Variants in ATPSCKMT observed in about 807,000 individuals in gnomAD.
The protein encoded by ATPSCKMT is ATP synthase c subunit lysine N-methyltransferase, also known as ATP synthase subunit C lysine N-methyltransferase.
ATPSCKMT carries 24 observed loss-of-function variants against 24.3 expected under a neutral mutation model. The observed-to-expected ratio is 0.99, with a 90% CI of 0.71 to 1.39. The LOEUF is 1.39. ATPSCKMT is among the 40% of genes most tolerant of loss of function. The pLI, the probability that ATPSCKMT is intolerant of heterozygous loss-of-function variation, is 0.00. For missense variants in ATPSCKMT, 311 were observed against 298.4 expected (o/e 1.04, Z -0.31); for synonymous variants, 95 against 110.5 (o/e 0.86, Z 0.88).
At chr5:10,249,770 A>T in intron 1 of ATPSCKMT, 88 bp downstream of exon 1, 1 of 1,498,882 alleles carries the variant, frequency 6.7e-7, no homozygotes, top group Non-Finnish European at 8.9e-7. Context: ...CCGCCTCGAC[A>T]GTGGAGACCT....
chr5:10,228,343 A>G (rs1170091181), intron 4 of ATPSCKMT, among the ~76,000 whole-genome samples: 1 of 152,224 alleles, frequency 6.6e-6, no homozygotes, highest in Non-Finnish European at 1.5e-5. Context: ...ATATCATGAA[A>G]TATTTCATAA....
At chr5:10,246,770 T>G (rs1259373018) in intron 1 of ATPSCKMT, among the ~76,000 whole-genome samples, 1 of 152,234 alleles carries the variant, frequency 6.6e-6, no homozygotes, top group African/African-American at 2.4e-5. Context: ...AAAGTTCCTG[T>G]TCTTCACGGC....
Position 10,249,850 on chromosome 5 carries a change from A to G in ATPSCKMT, c.16+8T>C, listed in dbSNP as rs545648848. 30 of 1,319,218 alleles carry G rather than the reference A, an allele frequency of 2.3e-5. 1 individual carries two copies. The South Asian group carries it at 3.6e-4, about 16-fold the overall frequency. 81.7% of individuals were successfully genotyped at this position (1,319,218 alleles called of 1,614,324 possible). A position where few individuals can be genotyped will look rare whatever the true frequency, so the allele number is the denominator to read the frequency against. On this transcript the variant is annotated splice_region_variant and intron_variant, in intron 1 of 4. Coordinates refer to ENST00000511437, the MANE Select transcript of ATPSCKMT (RefSeq NM_199133.4). The stretch of plus-strand genomic sequence containing the variant: ...CCCCAGGAACCCGCCAAGCCGCTCC[A>G]GCCTCACCTCCTCCTCCCTCCATCG...
chr5:10,245,940 A>G (rs1335645487), intron 1 of ATPSCKMT, among the ~76,000 whole-genome samples: 1 of 152,208 alleles, frequency 6.6e-6, no homozygotes, highest in Non-Finnish European at 1.5e-5. Flanking sequence ...ATTCATATAC[A>G]TACAATTTGC....
At position 10,245,972 on chromosome 5, in the gene ATPSCKMT, A is replaced by G. The variant is rs139132470; in HGVS notation, c.16+3886T>C. 5.5e-3 allele frequency among the ~76,000 whole-genome samples: 838 copies of G among 152,232 alleles called. 10 individuals are homozygous for G. Among genetic ancestry groups the G allele is most frequent in the African/African-American group, 0.019 (783 of 41,518 alleles). ...TTGCCTGCTTAAAGTATATAATTTA[A>G]TGTTTCTTTTTATATTCAGATACAT... On this transcript the variant is annotated intron_variant, in intron 1 of 4. Transcript: ENST00000511437.
At chr5:10,235,557 G>GACCACACTGTGACCACA (rs1196716603) in intron 3 of ATPSCKMT, among the ~76,000 whole-genome samples, 1 of 152,216 alleles carries the variant, frequency 6.6e-6, no homozygotes, top group South Asian at 2.1e-4. Context: ...GCGTCAGACA[G>GACCACACTGTGACCACA]CTAGTGACCA....
chr5:10,239,263 C>T lies in ATPSCKMT; in HGVS notation c.110G>A (p.Gly37Glu). 6.2e-7 allele frequency: 1 copy of T among 1,614,158 alleles called. No homozygotes were observed. The highest frequency in any genetic ancestry group is 8.5e-7 in the Non-Finnish European group (1 of 1,180,040). Residue 37 changes from glycine to glutamate, a missense_variant, in exon 2 of 5, where the codon GGG becomes GAG. Coordinates refer to ENST00000511437, the MANE Select transcript of ATPSCKMT (RefSeq NM_199133.4). The stretch of plus-strand genomic sequence containing the variant: ...ACCCACAAGCCCAGTAAGTAAGAAC[C>T]CCCAGTTGCTTTTCTGCAAACTGTT... The part of the protein sequence containing the change: ...EVNSLQKSNW[G>E]FLLTGLVGGT...
At chr5:10,243,548 A>G (rs1452034064) in intron 1 of ATPSCKMT, among the ~76,000 whole-genome samples, 1 of 152,124 alleles carries the variant, frequency 6.6e-6, no homozygotes. Flanking sequence ...GATCTTCTAG[A>G]TAACTTGCTG....
In ATPSCKMT at chr5:10,234,340, A is replaced by G. The variant is rs73048265; in HGVS notation, c.495+871T>C. On this transcript the variant is annotated intron_variant, in intron 4 of 4. Coordinates refer to ENST00000511437, the MANE Select transcript of ATPSCKMT (RefSeq NM_199133.4). ...AAGACCCTGGCTCAAAAAAAAAAGA[A>G]TATTTTACAAAAGCATTTCTAAATT... Among the ~76,000 whole-genome samples the G allele has an allele frequency of 5.3e-3, 800 of 152,288 alleles. 13 individuals are homozygous for G. Among genetic ancestry groups the G allele is most frequent in the African/African-American group, 0.018 (763 of 41,556 alleles).
intron 4 of ATPSCKMT, among the ~76,000 whole-genome samples, chr5:10,232,717 C>T (rs1384280654): frequency 2.6e-5 from 4 of 152,154 alleles, no homozygotes; most frequent in African/African-American, 9.7e-5. Flanking sequence ...GAGAGAAGGA[C>T]GGAGGGCTGG....
rs542914802 is a variant in ATPSCKMT at position 10,241,982 on chromosome 5, A to G, written c.17-2626T>C. 1.9e-3 allele frequency among the ~76,000 whole-genome samples: 290 copies of G among 152,338 alleles called. 1 individual carries two copies. Among genetic ancestry groups the G allele is most frequent in the African/African-American group, 6.4e-3 (266 of 41,562 alleles). On this transcript the variant is annotated intron_variant, in intron 1 of 4. Transcript: ENST00000511437. ...CGAAAAATTTTTTTTAATTTTTAAAAAAGAGTTTATTGCTAAGAAATGCTA... is the reference window on the plus strand; with the variant it reads ...CGAAAAATTTTTTTTAATTTTTAAAGAAGAGTTTATTGCTAAGAAATGCTA...
chr5:10,249,883 T>C lies in ATPSCKMT; in HGVS notation c.-10A>G. The C allele has an allele frequency of 7.7e-7, 1 of 1,306,318 alleles. No homozygotes were observed. Among genetic ancestry groups the C allele is most frequent in the Non-Finnish European group, 9.9e-7 (1 of 1,007,394 alleles). 80.9% of individuals were successfully genotyped at this position (1,306,318 alleles called of 1,614,324 possible). On this transcript the variant is annotated 5_prime_UTR_variant, in exon 1 of 5. Coordinates refer to ENST00000511437, the MANE Select transcript of ATPSCKMT (RefSeq NM_199133.4). ...CTCCTCCTCCCTCCATCGCGAGATT[T>C]CCAACAGCGTTTTTAAAAAAAAAAA...
chr5:10,225,582 A>G lies in ATPSCKMT; in HGVS notation c.*1859T>C, dbSNP rs1743843164. The stretch of plus-strand genomic sequence containing the variant: ...TATCTTACGTGAATGGTAGTAGGCA[A>G]AAAGAGCTTGTGCAGGAAAACTCCC... On this transcript the variant is annotated 3_prime_UTR_variant, in exon 5 of 5. Transcript: ENST00000511437. Among the ~76,000 whole-genome samples the G allele has an allele frequency of 6.6e-6, 1 of 152,160 alleles. No homozygotes were observed. Among genetic ancestry groups the G allele is most frequent in the Admixed American group, 6.5e-5 (1 of 15,282 alleles).
chr5:10,247,851 T>C (rs1158856033), intron 1 of ATPSCKMT, among the ~76,000 whole-genome samples: 1 of 152,186 alleles, frequency 6.6e-6, no homozygotes, highest in Admixed American at 6.5e-5. Flanking sequence ...TAGTCCATCC[T>C]TTAAAGTCAA....
At chr5:10,243,000 C>G (rs1460631394) in intron 1 of ATPSCKMT, among the ~76,000 whole-genome samples, 2 of 152,308 alleles carry the variant, frequency 1.3e-5, no homozygotes, top group South Asian at 4.1e-4. Flanking sequence ...TCCATTTATA[C>G]AGCAAGGCAG....
At chr5:10,246,043 G>A (rs1241361983) in intron 1 of ATPSCKMT, among the ~76,000 whole-genome samples, 1 of 152,020 alleles carries the variant, frequency 6.6e-6, no homozygotes, top group Non-Finnish European at 1.5e-5. Context: ...ATTACCTCAA[G>A]AGGAAACCCC....
At chr5:10,230,119 T>C (rs187015720) in intron 4 of ATPSCKMT, among the ~76,000 whole-genome samples, 23 of 130,768 alleles carry the variant, frequency 1.8e-4, no homozygotes, top group African/African-American at 5.7e-4. Context: ...GGCCTATATC[T>C]TATAACCAAG....
At chr5:10,243,279 T>C (rs1255123624) in intron 1 of ATPSCKMT, among the ~76,000 whole-genome samples, 1 of 151,302 alleles carries the variant, frequency 6.6e-6, no homozygotes, top group Non-Finnish European at 1.5e-5. Flanking sequence ...AGGTCAGGAG[T>C]TCAAGACCAG....
intron 2 of ATPSCKMT, chr5:10,236,960 T>C: frequency 7.6e-7 from 1 of 1,324,470 alleles, no homozygotes; most frequent in Non-Finnish European, 9.9e-7. Flanking sequence ...TCTCCATCAG[T>C]GGGCTAGCAC....
Sources: allele counts gnomAD v4.1 joint callset (sites outside exome capture counted in the v4.1 genomes callset), GRCh38; gene constraint gnomAD v4.1.1; transcripts MANE v1.5; gene names NCBI Gene and HGNC (gene_info 2026-07-23, HGNC 2026-07-21).